Variants in GSE1 observed in about 807,000 individuals in gnomAD.
The protein encoded by GSE1 is genetic suppressor element 1.
In GSE1, 32 loss-of-function variants were observed where a neutral mutation model predicts 112.6. That is an observed-to-expected ratio of 0.28 (90% CI 0.21 to 0.38). The LOEUF is 0.38. GSE1 is among the 10% of genes least tolerant of loss of function. GSE1 has a pLI of 1.00. For synonymous variants in GSE1, 1,115 were observed against 735.6 expected (o/e 1.52, Z -8.35); for missense variants, 2,348 against 1,699.2 (o/e 1.38, Z -6.71).
At chr16:85,313,639 G>A (rs567807566) in intron 1 of GSE1, among the ~76,000 whole-genome samples, 16 of 152,328 alleles carry the variant, frequency 1.1e-4, no homozygotes, top group African/African-American at 3.8e-4. Flanking sequence ...GGTGGGGAAG[G>A]AGGATTCTGG....
At chr16:85,292,036 C>G (rs2968430) in intron 1 of GSE1, among the ~76,000 whole-genome samples, 22,282 of 152,170 alleles carry the variant, frequency 0.15, 1,758 homozygotes, top group African/African-American at 0.19. Context: ...TGCCGCCCCC[C>G]ATATTCCCAG....
At chr16:85,601,407 G>A (rs139020249) in intron 1 of GSE1, among the ~76,000 whole-genome samples, 175 of 152,232 alleles carry the variant, frequency 1.1e-3, no homozygotes, top group Admixed American at 4.6e-3. Context: ...CAGGGGCCAG[G>A]CTGGTGGGGA....
chr16:85,635,321 T>C (rs2049899918), intron 2 of GSE1, among the ~76,000 whole-genome samples: 1 of 152,138 alleles, frequency 6.6e-6, no homozygotes, highest in African/African-American at 2.4e-5. Flanking sequence ...GCCTCCTGGC[T>C]CTTCCTGGCA....
chr16:85,655,682 C>G (rs745868263), intron 5 of GSE1, 44 bp from the exon 6 acceptor site: 1 of 1,370,962 alleles, frequency 7.3e-7, no homozygotes, highest in South Asian at 1.3e-5. Context: ...CTGGGTCTTC[C>G]CCTTGGTTCA....
chr16:85,366,323 C>G (rs916764868), intron 2 of GSE1, among the ~76,000 whole-genome samples: 1 of 152,258 alleles, frequency 6.6e-6, no homozygotes, highest in African/African-American at 2.4e-5. Flanking sequence ...CCCCCCTTCC[C>G]TGGCCCTGCT....
At chr16:85,486,576 C>T (rs76580397) in intron 2 of GSE1, among the ~76,000 whole-genome samples, 2 of 152,318 alleles carry the variant, frequency 1.3e-5, no homozygotes, top group East Asian at 1.9e-4. Flanking sequence ...TGTGTGGAAC[C>T]GTCCACGGCT....
chr16:85,438,048 A>G (rs2049294199), intron 2 of GSE1, among the ~76,000 whole-genome samples: 1 of 152,078 alleles, frequency 6.6e-6, no homozygotes, highest in Non-Finnish European at 1.5e-5. Flanking sequence ...TTCCAGGCTC[A>G]TCTGGGGGAG....
chr16:85,578,831 G>A (rs1214241282), intron 1 of GSE1, among the ~76,000 whole-genome samples: 3 of 151,308 alleles, frequency 2.0e-5, no homozygotes, highest in East Asian at 1.9e-4. Context: ...TCTGGCCACC[G>A]TGCACCCCGG....
At chr16:85,187,922 CCCTCACGCTCAGGATAA>C (rs1222854806) in intron 1 of GSE1, among the ~76,000 whole-genome samples, 1 of 152,242 alleles carries the variant, frequency 6.6e-6, no homozygotes, top group Non-Finnish European at 1.5e-5. Context: ...GGGCCTGTGC[CCCTCACGCTCAGGATAA>C]CCCTTCCCTT....
chr16:85,626,249 C>G (rs566636174), intron 1 of GSE1, among the ~76,000 whole-genome samples: 1 of 152,298 alleles, frequency 6.6e-6, no homozygotes, highest in Non-Finnish European at 1.5e-5. Flanking sequence ...AGAAAAATTG[C>G]TTTGTGCCAC....
intron 2 of GSE1, among the ~76,000 whole-genome samples, chr16:85,496,256 C>T (rs1271480649): frequency 1.3e-5 from 2 of 152,220 alleles, no homozygotes; most frequent in East Asian, 1.9e-4. Flanking sequence ...CCTCCAAGGC[C>T]GTCGTCAGGG....
chr16:85,359,297 G>C (rs117734582), intron 2 of GSE1: 2 of 438,692 alleles, frequency 4.6e-6, no homozygotes, highest in Non-Finnish European at 9.2e-6. Context: ...GGAGGGCTCC[G>C]AGGAGGAGGC....
At chr16:85,329,110 C>T (rs1438978289) in intron 1 of GSE1, among the ~76,000 whole-genome samples, 3 of 152,198 alleles carry the variant, frequency 2.0e-5, no homozygotes, top group Admixed American at 6.5e-5. Flanking sequence ...GGCTCCTCCC[C>T]CTCCCCCACA....
chr16:85,476,444 C>G (rs902818147), intron 2 of GSE1, among the ~76,000 whole-genome samples: 1 of 152,214 alleles, frequency 6.6e-6, no homozygotes, highest in Non-Finnish European at 1.5e-5. Flanking sequence ...GCCAGCAATC[C>G]TGGAACTCAC....
chr16:85,514,056 G>A (rs2051836062), intron 2 of GSE1, among the ~76,000 whole-genome samples: 2 of 152,102 alleles, frequency 1.3e-5, no homozygotes, highest in African/African-American at 2.4e-5. Flanking sequence ...GGTGATTCCA[G>A]GCTGAAGAAA....
intron 1 of GSE1, among the ~76,000 whole-genome samples, chr16:85,334,809 G>A (rs1367928450): frequency 6.6e-6 from 1 of 152,254 alleles, no homozygotes; most frequent in Non-Finnish European, 1.5e-5. Flanking sequence ...GGAGCCAGGA[G>A]TCGCTCTGAA....
intron 2 of GSE1, among the ~76,000 whole-genome samples, chr16:85,486,089 C>G (rs1404512236): frequency 6.6e-6 from 1 of 152,178 alleles, no homozygotes; most frequent in Non-Finnish European, 1.5e-5. Flanking sequence ...GCAGCCCTGC[C>G]AACTGGGGGC....
At chr16:85,499,936 G>A (rs141348409) in intron 2 of GSE1, among the ~76,000 whole-genome samples, 113 of 152,316 alleles carry the variant, frequency 7.4e-4, no homozygotes, top group African/African-American at 2.4e-3. Flanking sequence ...CCATGGAGAC[G>A]TTTCTTCATT....
At chr16:85,264,397 G>C (rs1360976640) in intron 1 of GSE1, among the ~76,000 whole-genome samples, 4 of 152,124 alleles carry the variant, frequency 2.6e-5, no homozygotes, top group Non-Finnish European at 5.9e-5. Flanking sequence ...TGGGCAGGCT[G>C]TTGTGGGGGT....
Sources: allele counts gnomAD v4.1 joint callset (sites outside exome capture counted in the v4.1 genomes callset), GRCh38; gene constraint gnomAD v4.1.1; transcripts MANE v1.5; gene names NCBI Gene and HGNC (gene_info 2026-07-23, HGNC 2026-07-21).